Variants in TMEM131 observed in about 807,000 individuals in gnomAD.
TMEM131 encodes the protein 2610524E03Rik.
TMEM131 carries 66 observed loss-of-function variants against 211.6 expected under a neutral mutation model. That is an observed-to-expected ratio of 0.31 (90% CI 0.26 to 0.38). The LOEUF (loss-of-function observed/expected upper bound fraction) is 0.38. Among genes scored for constraint, TMEM131 ranks in the 10% least tolerant of loss-of-function variants. The pLI is 1.00. For synonymous variants in TMEM131, 844 were observed against 841.3 expected (o/e 1.00, Z -0.06); for missense variants, 2,036 against 2,299.3 (o/e 0.89, Z 2.34).
chr2:97,989,225 C>T (rs187016944), intron 1 of TMEM131, among the ~76,000 whole-genome samples: 378 of 149,686 alleles, frequency 2.5e-3, no homozygotes, highest in Non-Finnish European at 4.3e-3. Flanking sequence ...CAAAATCATC[C>T]GTGTTCAATG....
At chr2:97,799,678 C>T (rs1707925218) in intron 25 of TMEM131, among the ~76,000 whole-genome samples, 1 of 152,208 alleles carries the variant, frequency 6.6e-6, no homozygotes, top group Admixed American at 6.5e-5. Flanking sequence ...GAGGATGATT[C>T]ATTTTTGGAT....
rs5865 is a variant in TMEM131, at chr2:97,756,543, C to T, written c.*556G>A. Reference sequence around the variant, plus strand: ...ACTGAATGTTTTTACATTCATTCACCGTTCTTAAGTTGACTTACATTTCTG... The same window carrying T: ...ACTGAATGTTTTTACATTCATTCACTGTTCTTAAGTTGACTTACATTTCTG... On this transcript the variant is annotated 3_prime_UTR_variant, in exon 41 of 41. Transcript: ENST00000186436. 92,968 of 152,162 alleles carry T rather than the reference C, an allele frequency of 0.61. 29,281 individuals are homozygous for T. Among genetic ancestry groups the T allele is most frequent in the Non-Finnish European group, 0.66 (45,219 of 68,018 alleles). The allele number at this position is 152,162 out of a possible 1,614,324, so 9.4% of individuals were successfully genotyped here.
intron 33 of TMEM131, among the ~76,000 whole-genome samples, chr2:97,767,000 T>C (rs1219570949): frequency 6.6e-6 from 1 of 152,114 alleles, no homozygotes; most frequent in African/African-American, 2.4e-5. Flanking sequence ...CCACCACCAG[T>C]GGGATTCCTG....
intron 1 of TMEM131, among the ~76,000 whole-genome samples, chr2:97,980,881 C>T (rs1163634660): frequency 1.3e-5 from 2 of 151,694 alleles, no homozygotes; most frequent in Admixed American, 6.6e-5. Flanking sequence ...TACAGTGACA[C>T]ATAACAGATC....
At chr2:97,942,521 G>A (rs1285559997) in intron 1 of TMEM131, among the ~76,000 whole-genome samples, 1 of 149,652 alleles carries the variant, frequency 6.7e-6, no homozygotes, top group African/African-American at 2.5e-5. Flanking sequence ...GAAACAGGGA[G>A]CATTACTAAT....
chr2:97,880,298 G>A (rs2104196050), intron 4 of TMEM131, among the ~76,000 whole-genome samples: 1 of 152,258 alleles, frequency 6.6e-6, no homozygotes, highest in South Asian at 2.1e-4. Context: ...CATTTATCCT[G>A]AAGGCAAATA....
At chr2:97,886,975 C>T (rs1057348929) in intron 4 of TMEM131, among the ~76,000 whole-genome samples, 43 of 152,140 alleles carry the variant, frequency 2.8e-4, no homozygotes, top group African/African-American at 9.7e-4. Flanking sequence ...TTATGTTTGC[C>T]AGGGATGGCC....
At position 97,847,078 on chromosome 2, in the gene TMEM131, G is replaced by T. The variant is rs918934543; in HGVS notation, c.484-2817C>A. Among the ~76,000 whole-genome samples, 5 of 111,600 alleles carry T rather than the reference G, an allele frequency of 4.5e-5. 1 individual carries two copies. The highest frequency in any genetic ancestry group is 6.5e-5 in the Non-Finnish European group (3 of 46,124). The allele number at this position is 111,600 out of a possible 152,430, so 73.2% of individuals were successfully genotyped here. ...CCTGTAGTCCCAGCTACTGGGGGGG[G>T]GGGGGGGGGCCGAGGCAGGAGAGTC... On this transcript the variant is annotated intron_variant, in intron 5 of 40. Coordinates refer to ENST00000186436, the MANE Select transcript of TMEM131 (RefSeq NM_015348.2).
At chr2:97,978,764 T>C (rs995059667) in intron 1 of TMEM131, among the ~76,000 whole-genome samples, 3 of 152,136 alleles carry the variant, frequency 2.0e-5, no homozygotes, top group Admixed American at 6.5e-5. Flanking sequence ...TCCATGAAGG[T>C]TGGAAGCAAC....
At chr2:97,911,115 AAAG>A (rs1279337334) in intron 2 of TMEM131, among the ~76,000 whole-genome samples, 93 of 152,316 alleles carry the variant, frequency 6.1e-4, no homozygotes, top group African/African-American at 2.1e-3. Flanking sequence ...TCAGCAATAA[AAAG>A]AATAAGCTAT....
At chr2:97,978,560 G>A (rs531462723) in intron 1 of TMEM131, among the ~76,000 whole-genome samples, 1 of 152,178 alleles carries the variant, frequency 6.6e-6, no homozygotes, top group Admixed American at 6.5e-5. Flanking sequence ...AATTTTTGTA[G>A]TTTTTGTAGA....
chr2:97,804,364 C>A (rs2104934535), intron 22 of TMEM131, among the ~76,000 whole-genome samples: 1 of 152,092 alleles, frequency 6.6e-6, no homozygotes, highest in Middle Eastern at 3.4e-3. Flanking sequence ...TAGCTCAGCA[C>A]TTAGAAAGGA....
At chr2:97,907,393 A>C (rs1676119630) in intron 3 of TMEM131, 1 of 152,362 alleles carries the variant, frequency 6.6e-6, no homozygotes, top group Non-Finnish European at 1.5e-5. Context: ...TGAGGTAAGA[A>C]GTTTTAATTG....
intron 4 of TMEM131, among the ~76,000 whole-genome samples, chr2:97,880,409 CTAGAAAGTGGCAGGCATATGG>C (rs753824444): frequency 6.6e-5 from 10 of 152,158 alleles, no homozygotes; most frequent in Non-Finnish European, 1.3e-4. Flanking sequence ...TGAATCCTGA[CTAGAAAGTGGCAGGCATATGG>C]TAACAGTCCA....
At chr2:97,959,051 C>T (rs1678694315) in intron 1 of TMEM131, among the ~76,000 whole-genome samples, 1 of 152,094 alleles carries the variant, frequency 6.6e-6, no homozygotes, top group Non-Finnish European at 1.5e-5. Context: ...TGAAAATAAG[C>T]CACCAGAGTT....
intron 1 of TMEM131, among the ~76,000 whole-genome samples, chr2:97,954,419 T>A (rs1448694056): frequency 6.6e-6 from 1 of 152,136 alleles, no homozygotes; most frequent in African/African-American, 2.4e-5. Flanking sequence ...TACGGACCAA[T>A]TCCTCAAAAA....
At chr2:97,817,479 G>A (rs756071581) in intron 12 of TMEM131, among the ~76,000 whole-genome samples, 11 of 152,146 alleles carry the variant, frequency 7.2e-5, no homozygotes, top group Non-Finnish European at 1.0e-4. Flanking sequence ...AATGTACCTC[G>A]TGATACTGAC....
intron 7 of TMEM131, among the ~76,000 whole-genome samples, chr2:97,840,503 T>A (rs1282924578): frequency 1.3e-5 from 2 of 152,176 alleles, no homozygotes; most frequent in African/African-American, 2.4e-5. Flanking sequence ...GGCAGGAGGA[T>A]TGCTTGAGGC....
At chr2:97,840,369 C>G (rs1369397286) in intron 7 of TMEM131, among the ~76,000 whole-genome samples, 1 of 152,202 alleles carries the variant, frequency 6.6e-6, no homozygotes. Context: ...AGGCAGCACC[C>G]TTGGGGCACC....
Sources: gnomAD v4.1 joint callset for allele counts (sites outside exome capture counted in the v4.1 genomes callset) on GRCh38, gnomAD v4.1.1 for gene constraint, MANE v1.5 for transcripts, NCBI Gene and HGNC (gene_info 2026-07-23, HGNC 2026-07-21) for gene names.